The following CNTN5 variants were observed in gnomAD, a reference collection of about 807,000 sequenced individuals.
CNTN5 encodes contactin-5.
In CNTN5, 77 loss-of-function variants were observed where a neutral mutation model predicts 129.1. That is an observed-to-expected ratio of 0.60 (90% CI 0.50 to 0.72). The LOEUF is 0.72. CNTN5 is among the 30% of genes least tolerant of loss of function. The probability of loss-of-function intolerance (pLI) is 0.00; values close to 1 mark genes in which losing one functional copy is unlikely to be tolerated. For synonymous variants in CNTN5, 509 were observed against 465.6 expected (o/e 1.09, Z -1.20); for missense variants, 1,478 against 1,328.8 (o/e 1.11, Z -1.75).
intron 1 of CNTN5, among the ~76,000 whole-genome samples, chr11:99,273,395 T>C (rs1863267790): frequency 1.3e-5 from 2 of 151,842 alleles, no homozygotes; most frequent in African/African-American, 2.4e-5. Flanking sequence ...GGTCCGCTTC[T>C]CTAGTGTATC....
At chr11:99,910,026 A>G (rs1170751406) in intron 6 of CNTN5, among the ~76,000 whole-genome samples, 1 of 152,118 alleles carries the variant, frequency 6.6e-6, no homozygotes, top group Non-Finnish European at 1.5e-5. Context: ...TAATCAAATA[A>G]TTTTATTGAT....
intron 2 of CNTN5, among the ~76,000 whole-genome samples, chr11:99,465,041 A>T (rs2656194): frequency 0.2 from 30,531 of 152,256 alleles, 3,405 homozygotes; most frequent in Middle Eastern, 0.33. Context: ...CTAAAAGTTA[A>T]TGATTCAGCT....
At chr11:99,611,986 C>T (rs73539199) in intron 3 of CNTN5, among the ~76,000 whole-genome samples, 3,213 of 152,222 alleles carry the variant, frequency 0.021, 120 homozygotes, top group African/African-American at 0.073. Context: ...GGGTTGTCAT[C>T]CATACTCATG....
chr11:100,041,803 A>T (rs1219376174), intron 9 of CNTN5, among the ~76,000 whole-genome samples: 2 of 152,228 alleles, frequency 1.3e-5, no homozygotes, highest in Admixed American at 1.3e-4. Context: ...GAGACTGTCA[A>T]GCTTCTTTAC....
chr11:99,836,241 C>T (rs1433412067), intron 4 of CNTN5, among the ~76,000 whole-genome samples: 4 of 150,566 alleles, frequency 2.7e-5, no homozygotes, highest in African/African-American at 4.9e-5. Flanking sequence ...TGTGCTGCAC[C>T]CATTAACTCG....
chr11:99,083,727 G>C (rs577418438), intron 1 of CNTN5, among the ~76,000 whole-genome samples: 1 of 152,280 alleles, frequency 6.6e-6, no homozygotes, highest in African/African-American at 2.4e-5. Context: ...GAAAACATTA[G>C]TTGTTTATGT....
chr11:100,093,878 A>G (rs529791175), intron 13 of CNTN5, among the ~76,000 whole-genome samples: 1 of 152,226 alleles, frequency 6.6e-6, no homozygotes, highest in Admixed American at 6.5e-5. Flanking sequence ...TCTCATGAGC[A>G]GGCAGAAGGA....
chr11:100,153,662 G>A (rs1038323278), intron 13 of CNTN5, among the ~76,000 whole-genome samples: 1 of 152,038 alleles, frequency 6.6e-6, no homozygotes, highest in Non-Finnish European at 1.5e-5. Flanking sequence ...CAGTTTTGGT[G>A]AGTATAAAAA....
At chr11:100,171,835 A>G (rs1411645168) in intron 13 of CNTN5, among the ~76,000 whole-genome samples, 1 of 128,550 alleles carries the variant, frequency 7.8e-6, no homozygotes, top group African/African-American at 4.1e-5. Flanking sequence ...AAACTATTCG[A>G]AAAGCTAAAA....
chr11:100,129,632 C>T (rs890564255), intron 13 of CNTN5, among the ~76,000 whole-genome samples: 1 of 152,072 alleles, frequency 6.6e-6, no homozygotes, highest in Non-Finnish European at 1.5e-5. Context: ...CTTTTGGTCT[C>T]TTTTACATAC....
At chr11:100,224,384 T>C (rs1949328998) in intron 15 of CNTN5, among the ~76,000 whole-genome samples, 1 of 152,208 alleles carries the variant, frequency 6.6e-6, no homozygotes, top group South Asian at 2.1e-4. Flanking sequence ...AGCAACATTT[T>C]TGCTCACGGA....
chr11:100,010,255 G>C (rs1254807987), intron 9 of CNTN5, among the ~76,000 whole-genome samples: 1 of 152,036 alleles, frequency 6.6e-6, no homozygotes, highest in Non-Finnish European at 1.5e-5. Flanking sequence ...AAGTAACACA[G>C]GGTAAAAATG....
At chr11:99,097,020 T>G (rs980037598) in intron 1 of CNTN5, among the ~76,000 whole-genome samples, 5 of 151,930 alleles carry the variant, frequency 3.3e-5, no homozygotes, top group Non-Finnish European at 7.4e-5. Flanking sequence ...CTACACTTTA[T>G]TAGCTATCAC....
chr11:99,448,439 A>G (rs1478986195), intron 2 of CNTN5, among the ~76,000 whole-genome samples: 2 of 152,172 alleles, frequency 1.3e-5, no homozygotes, highest in Non-Finnish European at 2.9e-5. Flanking sequence ...TTTTCAAGGA[A>G]CTTGTGGAGA....
intron 3 of CNTN5, among the ~76,000 whole-genome samples, chr11:99,629,882 T>C (rs1951275772): frequency 6.6e-6 from 1 of 151,810 alleles, no homozygotes; most frequent in African/African-American, 2.4e-5. Context: ...AAATACTTGA[T>C]ATAAAATATT....
chr11:99,102,664 G>A (rs1021684512), intron 1 of CNTN5, among the ~76,000 whole-genome samples: 7 of 152,096 alleles, frequency 4.6e-5, no homozygotes, highest in African/African-American at 1.2e-4. Flanking sequence ...TGTTTGAGAC[G>A]AACTCAGCCT....
At position 99,229,282 on chromosome 11, in the gene CNTN5, G is replaced by A. The variant is rs149990486; in HGVS notation, c.-209-96064G>A. ...AAAAAATACATAGTATTACTAATGTGCATTCAATGTGGCTTAAATCGCTCT... is the reference window on the plus strand; with the variant it reads ...AAAAAATACATAGTATTACTAATGTACATTCAATGTGGCTTAAATCGCTCT... On this transcript the variant is annotated intron_variant, in intron 1 of 24. Coordinates refer to ENST00000524871, the MANE Select transcript of CNTN5 (RefSeq NM_014361.4). Among the ~76,000 whole-genome samples the A allele has an allele frequency of 5.6e-3, 848 of 152,056 alleles. 5 individuals carry two copies. Among genetic ancestry groups the A allele is most frequent in the Non-Finnish European group, 9.7e-3 (657 of 67,886 alleles).
chr11:99,274,561 T>C (rs1308490687), intron 1 of CNTN5, among the ~76,000 whole-genome samples: 1 of 151,604 alleles, frequency 6.6e-6, no homozygotes, highest in African/African-American at 2.4e-5. Flanking sequence ...GGAAATATAA[T>C]TAACTGTGAT....
intron 3 of CNTN5, among the ~76,000 whole-genome samples, chr11:99,701,616 T>C (rs1179695491): frequency 6.6e-6 from 1 of 151,168 alleles, no homozygotes; most frequent in Non-Finnish European, 1.5e-5. Flanking sequence ...GTTTAAAAAA[T>C]GAAGTCATAG....
Sources: allele counts gnomAD v4.1 joint callset (sites outside exome capture counted in the v4.1 genomes callset), GRCh38; gene constraint gnomAD v4.1.1; transcripts MANE v1.5; gene names NCBI Gene and HGNC (gene_info 2026-07-23, HGNC 2026-07-21).